Variants in DPP10 observed in about 807,000 individuals in gnomAD.
DPP10 encodes the protein dipeptidyl peptidase like 10.
In DPP10, 33 loss-of-function variants were observed where a neutral mutation model predicts 120.9. The observed-to-expected ratio is 0.27, with a 90% CI of 0.21 to 0.37. The LOEUF (loss-of-function observed/expected upper bound fraction) is 0.37. Among genes scored for constraint, DPP10 ranks in the 10% least tolerant of loss-of-function variants. DPP10 has a pLI of 1.00. For missense variants in DPP10, 816 were observed against 942.8 expected, an observed-to-expected ratio of 0.87 and a Z score of 1.76; for synonymous variants, 337 against 326.1, an observed-to-expected ratio of 1.03 and a Z score of -0.36.
chr2:115,283,729 G>A (rs1445548387), intron 1 of DPP10, among the ~76,000 whole-genome samples: 2 of 152,032 alleles, frequency 1.3e-5, no homozygotes, highest in African/African-American at 4.8e-5. Flanking sequence ...ATGTAGTCAT[G>A]TACCACGTAA....
intron 1 of DPP10, among the ~76,000 whole-genome samples, chr2:114,570,228 C>A (rs981913904): frequency 6.6e-6 from 1 of 152,202 alleles, no homozygotes; most frequent in Non-Finnish European, 1.5e-5. Flanking sequence ...CAAAGACTTC[C>A]CAAATGATAA....
chr2:114,560,764 A>T (rs1002270523), intron 1 of DPP10, among the ~76,000 whole-genome samples: 2 of 152,238 alleles, frequency 1.3e-5, no homozygotes. Context: ...AATATGTGCC[A>T]TACTGTGCTA....
intron 5 of DPP10, among the ~76,000 whole-genome samples, chr2:115,577,164 A>G (rs1303998353): frequency 2.6e-5 from 4 of 152,214 alleles, no homozygotes; most frequent in Admixed American, 1.3e-4. Flanking sequence ...TGTCCCTGAA[A>G]GTACTCCAGC....
chr2:115,228,278 A>G (rs2057543708), intron 1 of DPP10, among the ~76,000 whole-genome samples: 1 of 152,136 alleles, frequency 6.6e-6, no homozygotes, highest in East Asian at 1.9e-4. Context: ...TGCTTGATAC[A>G]GGAATACAAT....
intron 3 of DPP10, among the ~76,000 whole-genome samples, chr2:115,345,696 A>G (rs1336241814): frequency 2.6e-5 from 4 of 152,166 alleles, no homozygotes; most frequent in Non-Finnish European, 5.9e-5. Flanking sequence ...TCCTGTGTAT[A>G]ACTGACTCTG....
intron 3 of DPP10, among the ~76,000 whole-genome samples, chr2:115,448,320 C>A (rs2072804511): frequency 6.6e-6 from 1 of 152,060 alleles, no homozygotes; most frequent in African/African-American, 2.4e-5. Flanking sequence ...AGAAGATAAT[C>A]AATTAAAAAC....
At chr2:114,632,670 G>A (rs1695021565) in intron 1 of DPP10, among the ~76,000 whole-genome samples, 1 of 151,610 alleles carries the variant, frequency 6.6e-6, no homozygotes, top group African/African-American at 2.4e-5. Context: ...CCACCACCAT[G>A]CCCAGCTAAT....
intron 5 of DPP10, among the ~76,000 whole-genome samples, chr2:115,533,668 T>C (rs1249463311): frequency 1.3e-5 from 2 of 152,052 alleles, no homozygotes; most frequent in Non-Finnish European, 2.9e-5. Flanking sequence ...TCTAGGCTGT[T>C]AAAATTCATA....
intron 1 of DPP10, among the ~76,000 whole-genome samples, chr2:114,951,886 A>G (rs576865034): frequency 3.4e-4 from 52 of 152,166 alleles, no homozygotes; most frequent in Non-Finnish European, 1.0e-4. Context: ...TTCCCCTAAT[A>G]CACTTACAGT....
At chr2:115,364,784 G>C (rs1271765184) in intron 3 of DPP10, among the ~76,000 whole-genome samples, 1 of 151,996 alleles carries the variant, frequency 6.6e-6, no homozygotes, top group African/African-American at 2.4e-5. Flanking sequence ...TAGTTACGCT[G>C]TTGTTTCAGC....
At chr2:115,415,666 T>C (rs2069325483) in intron 3 of DPP10, among the ~76,000 whole-genome samples, 1 of 151,926 alleles carries the variant, frequency 6.6e-6, no homozygotes, top group African/African-American at 2.4e-5. Flanking sequence ...TTTGTACTGA[T>C]GTATAAAATG....
At chr2:114,999,806 T>C (rs1701322272) in intron 1 of DPP10, among the ~76,000 whole-genome samples, 1 of 152,168 alleles carries the variant, frequency 6.6e-6, no homozygotes, top group Non-Finnish European at 1.5e-5. Flanking sequence ...ATCTTGTTTT[T>C]TGGCTGTGTC....
At chr2:115,198,738 G>T (rs999708303) in intron 1 of DPP10, among the ~76,000 whole-genome samples, 2 of 152,058 alleles carry the variant, frequency 1.3e-5, no homozygotes, top group African/African-American at 2.4e-5. Context: ...CAGTGAAGAA[G>T]ATTTTTTTTC....
intron 7 of DPP10, among the ~76,000 whole-genome samples, chr2:115,715,022 C>T (rs1448185484): frequency 8.8e-6 from 1 of 113,626 alleles, no homozygotes; most frequent in African/African-American, 3.3e-5. Context: ...GAGCAAGACT[C>T]TGTCTCAAAA....
At chr2:115,621,250 C>T (rs1399160519) in intron 5 of DPP10, among the ~76,000 whole-genome samples, 2 of 152,108 alleles carry the variant, frequency 1.3e-5, no homozygotes, top group African/African-American at 4.8e-5. Context: ...ATCTTTTTAA[C>T]TTAAGTGCTA....
At chr2:114,504,855 C>T (rs1356581123) in intron 1 of DPP10, among the ~76,000 whole-genome samples, 2 of 151,874 alleles carry the variant, frequency 1.3e-5, no homozygotes, top group African/African-American at 4.8e-5. Context: ...AGTTCGAGAC[C>T]AGACTGGCCA....
intron 1 of DPP10, among the ~76,000 whole-genome samples, chr2:115,186,658 T>A (rs2054462203): frequency 6.6e-6 from 1 of 152,180 alleles, no homozygotes; most frequent in Non-Finnish European, 1.5e-5. Flanking sequence ...CTCAACTGTA[T>A]AGTATTTGTG....
At chr2:114,841,679 T>C (rs1374173407) in intron 1 of DPP10, among the ~76,000 whole-genome samples, 1 of 152,170 alleles carries the variant, frequency 6.6e-6, no homozygotes, top group East Asian at 1.9e-4. Flanking sequence ...AGTTTTATGG[T>C]AGACAGATCT....
intron 1 of DPP10, among the ~76,000 whole-genome samples, chr2:115,191,794 C>T (rs1295443602): frequency 6.6e-6 from 1 of 152,130 alleles, no homozygotes; most frequent in Non-Finnish European, 1.5e-5. Context: ...ACGTGGTCCC[C>T]AGGCTGGTGT....
Sources: gnomAD v4.1 joint callset for allele counts (sites outside exome capture counted in the v4.1 genomes callset) on GRCh38, gnomAD v4.1.1 for gene constraint, MANE v1.5 for transcripts, NCBI Gene and HGNC (gene_info 2026-07-23, HGNC 2026-07-21) for gene names.